Variants in RBFOX1 observed in about 807,000 individuals in gnomAD.
RBFOX1 encodes the protein RNA binding protein fox-1 homolog 1.
In RBFOX1, 8 loss-of-function variants were observed where a neutral mutation model predicts 57.7. The ratio of observed to expected loss-of-function variants is 0.14; its 90% confidence interval spans 0.08 to 0.25. The LOEUF is 0.25. RBFOX1 is among the 10% of genes least tolerant of loss of function. The pLI is 1.00. For synonymous variants in RBFOX1, 326 were observed against 222.4 expected (o/e 1.47, Z -4.15); for missense variants, 611 against 548.5 (o/e 1.11, Z -1.14).
chr16:6,989,524 G>C (rs546445032), intron 3 of RBFOX1, among the ~76,000 whole-genome samples: 1 of 152,058 alleles, frequency 6.6e-6, no homozygotes, highest in African/African-American at 2.4e-5. Flanking sequence ...TTTATTAGTT[G>C]CCTATCAATT....
At chr16:6,573,059 G>A (rs542874203) in intron 2 of RBFOX1, among the ~76,000 whole-genome samples, 72 of 152,118 alleles carry the variant, frequency 4.7e-4, no homozygotes, top group Non-Finnish European at 7.2e-4. Flanking sequence ...ACTCAGATAG[G>A]ATAGTATTTT....
intron 2 of RBFOX1, among the ~76,000 whole-genome samples, chr16:6,582,097 A>G (rs1316106744): frequency 6.6e-6 from 1 of 152,194 alleles, no homozygotes; most frequent in African/African-American, 2.4e-5. Flanking sequence ...TATTGGGTTC[A>G]AAATGGCAAT....
intron 3 of RBFOX1, among the ~76,000 whole-genome samples, chr16:6,953,085 C>A (rs910540174): frequency 2.6e-5 from 4 of 152,136 alleles, no homozygotes; most frequent in Admixed American, 2.6e-4. Flanking sequence ...GCCACAAATA[C>A]AAAAACAAAG....
At chr16:5,719,277 C>G (rs1022681813) in intron 3 of RBFOX1, among the ~76,000 whole-genome samples, 9 of 149,864 alleles carry the variant, frequency 6.0e-5, no homozygotes, top group Non-Finnish European at 1.3e-4. Context: ...TCTCGGCTCA[C>G]TGCAAGCTCC....
At chr16:5,899,627 C>G (rs1409215224) in intron 4 of RBFOX1, among the ~76,000 whole-genome samples, 1 of 152,128 alleles carries the variant, frequency 6.6e-6, no homozygotes, top group African/African-American at 2.4e-5. Flanking sequence ...TGTCGGGTAC[C>G]TGATTGGGTC....
At chr16:6,740,318 C>A (rs184877961) in intron 3 of RBFOX1, among the ~76,000 whole-genome samples, 1 of 152,094 alleles carries the variant, frequency 6.6e-6, no homozygotes, top group African/African-American at 2.4e-5. Flanking sequence ...TATAATGGTA[C>A]AAATGAATGA....
At chr16:7,034,458 C>G (rs1232237939) in intron 3 of RBFOX1, among the ~76,000 whole-genome samples, 1 of 152,086 alleles carries the variant, frequency 6.6e-6, no homozygotes, top group Non-Finnish European at 1.5e-5. Context: ...CCCCTTCTTC[C>G]TTGCTGGGCT....
intron 4 of RBFOX1, among the ~76,000 whole-genome samples, chr16:5,978,495 T>A (rs962364914): frequency 6.6e-6 from 1 of 152,176 alleles, no homozygotes; most frequent in Non-Finnish European, 1.5e-5. Context: ...GCGACCAGCG[T>A]TGCTATATTA....
intron 12 of RBFOX1, among the ~76,000 whole-genome samples, chr16:7,662,051 G>A (rs2067895419): frequency 6.6e-6 from 1 of 152,090 alleles, no homozygotes; most frequent in Non-Finnish European, 1.5e-5. Context: ...CAGTTTCTTG[G>A]CCAGAGCTCA....
At chr16:5,989,797 A>T (rs1398134322) in intron 4 of RBFOX1, among the ~76,000 whole-genome samples, 2 of 151,034 alleles carry the variant, frequency 1.3e-5, no homozygotes, top group Non-Finnish European at 2.9e-5. Flanking sequence ...AGAGGTTGAC[A>T]CCCACCGAAC....
At chr16:5,889,008 G>A (rs2057974807) in intron 4 of RBFOX1, among the ~76,000 whole-genome samples, 1 of 151,976 alleles carries the variant, frequency 6.6e-6, no homozygotes, top group South Asian at 2.1e-4. Flanking sequence ...GATTGGTCAA[G>A]ATTTGGCCAA....
chr16:7,501,940 C>T (rs1389721260), intron 4 of RBFOX1, among the ~76,000 whole-genome samples: 1 of 152,110 alleles, frequency 6.6e-6, no homozygotes, highest in East Asian at 1.9e-4. Context: ...ATAGCACAGT[C>T]CCTGACATCC....
At position 6,431,882 on chromosome 16, in the gene RBFOX1, A is replaced by ATGCTTGCTTGCTTGCTTGCTTGCT. The variant is rs530288649; in HGVS notation, c.-64+114842_-64+114843insGCTTGCTTGCTTGCTTGCTTGCTT. Among the ~76,000 whole-genome samples the ATGCTTGCTTGCTTGCTTGCTTGCT allele has an allele frequency of 9.6e-3, 1,211 of 126,200 alleles. 37 individuals carry two copies. Among genetic ancestry groups the ATGCTTGCTTGCTTGCTTGCTTGCT allele is most frequent in the East Asian group, 0.017 (67 of 3,886 alleles). The allele number at this position is 126,200 out of a possible 152,430, so 82.8% of individuals were successfully genotyped here. A position where few individuals can be genotyped will look rare whatever the true frequency, so the allele number is the denominator to read the frequency against. ...TTTATTTATGAACATGTCCAGAAAT[A>ATGCTTGCTTGCTTGCTTGCTTGCT]TGCTTGCTTGCTTGCTTTCTTTCTT... On this transcript the variant is annotated intron_variant, in intron 2 of 15. Transcript: ENST00000550418.
chr16:5,769,911 T>C (rs577737846), intron 3 of RBFOX1, among the ~76,000 whole-genome samples: 5 of 152,122 alleles, frequency 3.3e-5, no homozygotes, highest in Admixed American at 6.5e-5. Flanking sequence ...ATGCAGGATG[T>C]TGGGGGCAAG....
Position 7,440,248 on chromosome 16 carries a change from C to A in RBFOX1, c.28-77899C>A, listed in dbSNP as rs536558620. ...ATGCCACTGTGGCCTGCTGGTCTTC[C>A]CAATTAAACAGCAGAGAGTTTGTTA... On this transcript the variant is annotated intron_variant, in intron 4 of 15. Coordinates refer to ENST00000550418, the MANE Select transcript of RBFOX1 (RefSeq NM_018723.4). Among the ~76,000 whole-genome samples, 3 of 152,160 alleles carry A rather than the reference C, an allele frequency of 2.0e-5. No homozygotes were observed. The East Asian group carries it at 5.8e-4, about 29-fold the overall frequency.
At chr16:5,635,551 T>A (rs565803545) in intron 3 of RBFOX1, among the ~76,000 whole-genome samples, 1 of 152,234 alleles carries the variant, frequency 6.6e-6, no homozygotes, top group Non-Finnish European at 1.5e-5. Flanking sequence ...ATGTATCCCA[T>A]ACAGATTTGC....
chr16:6,217,874 G>C (rs2097346204), intron 1 of RBFOX1, among the ~76,000 whole-genome samples: 1 of 152,132 alleles, frequency 6.6e-6, no homozygotes, highest in Non-Finnish European at 1.5e-5. Context: ...CATTAGCCTG[G>C]TATGGTGGCG....
intron 4 of RBFOX1, among the ~76,000 whole-genome samples, chr16:5,989,880 A>ACACACACACACACACACACCCC (rs33912010): frequency 2.2e-4 from 28 of 127,286 alleles, no homozygotes; most frequent in Admixed American, 9.7e-4. Flanking sequence ...ACACACACAC[A>ACACACACACACACACACACCCC]CCACCCCTGT....
chr16:5,749,758 G>A (rs933011746), intron 3 of RBFOX1, among the ~76,000 whole-genome samples: 1 of 151,638 alleles, frequency 6.6e-6, no homozygotes, highest in Non-Finnish European at 1.5e-5. Flanking sequence ...ATTCTAGTTA[G>A]GCATTTATCT....
Sources: allele counts gnomAD v4.1 joint callset (sites outside exome capture counted in the v4.1 genomes callset), GRCh38; gene constraint gnomAD v4.1.1; transcripts MANE v1.5; gene names NCBI Gene and HGNC (gene_info 2026-07-23, HGNC 2026-07-21).